Variants in DST observed in about 807,000 individuals in gnomAD.
DST encodes the protein bullous pemphigoid antigen.
Under a neutral mutation model 875.2 loss-of-function variants are expected in DST, and 253 were observed. The observed-to-expected ratio is 0.29, with a 90% CI of 0.26 to 0.32. DST has a LOEUF of 0.32. Ranked by LOEUF, DST falls within the 10% of genes least tolerant of loss-of-function variation. DST has a pLI of 1.00. For synonymous variants in DST, 3,124 were observed against 3,197.1 expected, an observed-to-expected ratio of 0.98 and a Z score of 0.77; for missense variants, 8,287 against 9,111.6, an observed-to-expected ratio of 0.91 and a Z score of 3.68.
chr6:56,535,818 G>T (rs181124228), intron 62 of DST, among the ~76,000 whole-genome samples: 1 of 152,226 alleles, frequency 6.6e-6, no homozygotes, highest in East Asian at 1.9e-4. Flanking sequence ...CAGGCCCTTT[G>T]TCTACCAGTA....
In DST at chr6:56,594,196, A is replaced by T. The variant is rs1178166178; in HGVS notation, c.12196-3T>A. The T allele has an allele frequency of 6.6e-7, 1 of 1,510,510 alleles. No homozygotes were observed. The highest frequency in any genetic ancestry group is 1.4e-5 in the African/African-American group (1 of 71,708). 93.6% of individuals were successfully genotyped at this position (1,510,510 alleles called of 1,614,324 possible). On this transcript the variant is annotated splice_polypyrimidine_tract_variant and splice_region_variant and intron_variant, in intron 47 of 103. Transcript: ENST00000680361. ...GAGATGATCTTCTCGTGTTGGGCCT[A>T]TGTGAAAACAAATTGATCATAATCT...
chr6:56,606,333 C>G lies in DST; in HGVS notation c.8295G>C (p.Trp2765Cys). The G allele has an allele frequency of 6.2e-7, 1 of 1,612,162 alleles. No homozygotes were observed. Among genetic ancestry groups the G allele is most frequent in the Non-Finnish European group, 8.5e-7 (1 of 1,179,034 alleles). Reference protein sequence around the residue: ...ASLKFDDSGSWRGRKEEYVTG... With the variant: ...ASLKFDDSGSCRGRKEEYVTG... ...TTACATACTCTTCCTTTCTTCCTCT[C>G]CAACTGCCACTGTCATCAAATTTTA... The change falls in exon 40 of 104, where the codon TGG becomes TGC. Residue 2765 changes from tryptophan (W) to cysteine (C), a missense_variant. Physicochemically the swap from Trp to Cys is radical, Grantham distance 215 (BLOSUM62 -2). Transcript: ENST00000680361.
chr6:56,623,486 T>C lies in DST; in HGVS notation c.4929+1044A>G, dbSNP rs116710706. Among the ~76,000 whole-genome samples, 564 of 152,272 alleles carry C rather than the reference T, an allele frequency of 3.7e-3. 1 individual carries two copies. Among genetic ancestry groups the C allele is most frequent in the Non-Finnish European group, 6.6e-3 (449 of 67,992 alleles). On this transcript the variant is annotated intron_variant, in intron 36 of 103. Coordinates refer to ENST00000680361, the MANE Select transcript of DST (RefSeq NM_001374736.1). ...CACAAAGGAAGAGGGTTATAAAGTC[T>C]TGCAATTAGCTATGTTAGTGATTTA...
At chr6:56,811,938 T>C (rs1439110821) in intron 4 of DST, among the ~76,000 whole-genome samples, 1 of 148,632 alleles carries the variant, frequency 6.7e-6, no homozygotes. Flanking sequence ...CTACTAAAAA[T>C]ACGAAAAAAA....
chr6:56,579,231 AC>A (rs1412256088), intron 49 of DST, among the ~76,000 whole-genome samples: 2 of 152,078 alleles, frequency 1.3e-5, no homozygotes, highest in African/African-American at 2.4e-5. Context: ...CTAACTTTAT[AC>A]CCTTAACCCC....
chr6:56,485,215 G>A (rs1358684073), intron 88 of DST, 97 bp downstream of exon 88: 1 of 1,350,456 alleles, frequency 7.4e-7, no homozygotes. Flanking sequence ...ATGATCTATA[G>A]TCTTCTGATT....
At chr6:56,742,593 T>C (rs1013879562) in intron 4 of DST, among the ~76,000 whole-genome samples, 5 of 152,244 alleles carry the variant, frequency 3.3e-5, no homozygotes, top group Non-Finnish European at 7.3e-5. Context: ...CATTTTAAAG[T>C]TGTTCTTAAG....
At chr6:56,712,869 C>T (rs889857065) in intron 5 of DST, among the ~76,000 whole-genome samples, 1 of 152,144 alleles carries the variant, frequency 6.6e-6, no homozygotes, top group Non-Finnish European at 1.5e-5. Context: ...CTCATCAAAT[C>T]CTCCCAGCTA....
At position 56,494,120 on chromosome 6, in the gene DST, G is replaced by T. The variant is rs549972623; in HGVS notation, c.20284C>A (p.Gln6762Lys). 6.2e-7 allele frequency: 1 copy of T among 1,611,610 alleles called. No homozygotes were observed. Among genetic ancestry groups the T allele is most frequent in the East Asian group, 2.2e-5 (1 of 44,834 alleles). Reference sequence around the variant, plus strand: ...TTTGGGCATCTTGCAAGCATCTGCTGGCCTTTCTGCATCAGACTCTTATAT... The same window carrying T: ...TTTGGGCATCTTGCAAGCATCTGCTTGCCTTTCTGCATCAGACTCTTATAT... ...ETYKSLMQKG[Q>K]QMLARCPKSA... Residue 6762 changes from glutamine (Q) to lysine (K), a missense_variant, in exon 83 of 104, where the codon CAG becomes AAG. Gln to Lys is a moderately conservative substitution (Grantham distance 53). Around this residue, in one of 10 missense-constraint regions of DST, gnomAD observed 1,292 missense variants for 1,552.7 expected, o/e 0.83. Transcript: ENST00000680361.
At chr6:56,620,359 C>T in intron 36 of DST, 3 of 1,614,162 alleles carry the variant, frequency 1.9e-6, no homozygotes, top group Non-Finnish European at 2.5e-6. Flanking sequence ...CTCTTTTAGC[C>T]TCGGCCTCTA....
rs1265038393 is a variant in DST at position 56,604,363 on chromosome 6, T to A, written c.10265A>T (p.Asn3422Ile). 5.0e-6 allele frequency: 8 copies of A among 1,612,200 alleles called. No individual in the cohort carries two copies. Among genetic ancestry groups the A allele is most frequent in the Non-Finnish European group, 6.8e-6 (8 of 1,179,036 alleles). ...ACTTTCTGGCTTTAGTTCTGATGAG[T>A]TAGTCATGGGGGAAACTCCAGAAGA... ...SDSSGVSPMT[N>I]SSELKPESRD... The change falls in exon 40 of 104, where the codon AAC becomes ATC. Residue 3422 changes from asparagine (N) to isoleucine (I), a missense_variant. By Grantham distance (149) the Asn-to-Ile change is moderately radical. Transcript: ENST00000680361.
chr6:56,682,977 C>A (rs1006164475), intron 9 of DST, among the ~76,000 whole-genome samples: 1 of 152,162 alleles, frequency 6.6e-6, no homozygotes, highest in African/African-American at 2.4e-5. Flanking sequence ...TGTTTGTTGG[C>A]TCATTCTACA....
intron 5 of DST, among the ~76,000 whole-genome samples, chr6:56,734,430 C>T (rs138543470): frequency 1.1e-3 from 173 of 152,306 alleles, no homozygotes; most frequent in African/African-American, 3.5e-3. Flanking sequence ...CTTAAGAATA[C>T]ATAACCACAT....
chr6:56,500,159 A>C (rs2096072677), intron 80 of DST, among the ~76,000 whole-genome samples: 1 of 152,178 alleles, frequency 6.6e-6, no homozygotes, highest in African/African-American at 2.4e-5. Flanking sequence ...TTTTTAAAAA[A>C]TGTGAATCAA....
chr6:56,513,257 T>C (rs976950249), intron 72 of DST, among the ~76,000 whole-genome samples: 2 of 149,354 alleles, frequency 1.3e-5, no homozygotes, highest in African/African-American at 2.5e-5. Flanking sequence ...TAAGACAGAG[T>C]TTTGCTCTTG....
intron 39 of DST, 75 bp downstream of exon 39, chr6:56,610,352 T>C: frequency 8.8e-7 from 1 of 1,136,794 alleles, no homozygotes; most frequent in East Asian, 2.8e-5. Flanking sequence ...TCTTTATTAT[T>C]GACATAGATT....
At chr6:56,573,978 A>C in intron 50 of DST, 91 bp from the exon 51 acceptor site, 1 of 911,952 alleles carries the variant, frequency 1.1e-6, no homozygotes, top group Non-Finnish European at 1.6e-6. Flanking sequence ...TACAATTTCC[A>C]CACAAAAAAT....
intron 94 of DST, 54 bp from the exon 95 acceptor site, chr6:56,471,322 C>T (rs1480716060): frequency 3.2e-5 from 42 of 1,327,628 alleles, no homozygotes; most frequent in Non-Finnish European, 4.2e-5. Flanking sequence ...AAATTGTAGA[C>T]TATACTATAT....
chr6:56,702,153 T>G (rs2099311314), intron 7 of DST, among the ~76,000 whole-genome samples, 188 bp from the exon 8 acceptor site: 1 of 152,184 alleles, frequency 6.6e-6, no homozygotes, highest in African/African-American at 2.4e-5. Context: ...TACTAGGGAT[T>G]TTTTTCCAAG....
Sources: allele counts gnomAD v4.1 joint callset (sites outside exome capture counted in the v4.1 genomes callset), GRCh38; gene constraint gnomAD v4.1.1; regional missense constraint gnomAD v4.1.1; transcripts MANE v1.5; gene names NCBI Gene and HGNC (gene_info 2026-07-23, HGNC 2026-07-21).